Variants in HMBOX1 observed in about 807,000 individuals in gnomAD.
The protein encoded by HMBOX1 is homeobox-containing protein 1.
Under a neutral mutation model 54.5 loss-of-function variants are expected in HMBOX1, and 14 were observed. That is an observed-to-expected ratio of 0.26 (90% CI 0.17 to 0.40). The LOEUF (loss-of-function observed/expected upper bound fraction) is 0.40. Among genes scored for constraint, HMBOX1 ranks in the 10% least tolerant of loss-of-function variants. The pLI is 1.00. For synonymous variants in HMBOX1, 160 were observed against 181.0 expected, an observed-to-expected ratio of 0.88 and a Z score of 0.93; for missense variants, 332 against 514.4, an observed-to-expected ratio of 0.65 and a Z score of 3.43.
chr8:28,936,640 CTA>C (rs1820445132), intron 1 of HMBOX1, among the ~76,000 whole-genome samples: 2 of 152,016 alleles, frequency 1.3e-5, no homozygotes, highest in African/African-American at 4.8e-5. Context: ...GAGATGAACT[CTA>C]TGGCTTCACA....
At chr8:29,022,269 T>A (rs1801302980) in intron 6 of HMBOX1, among the ~76,000 whole-genome samples, 1 of 151,706 alleles carries the variant, frequency 6.6e-6, no homozygotes, top group South Asian at 2.1e-4. Flanking sequence ...ATACAAAAAA[T>A]TAGCAAGGCG....
At chr8:28,922,580 C>G (rs1817738196) in intron 1 of HMBOX1, among the ~76,000 whole-genome samples, 1 of 152,116 alleles carries the variant, frequency 6.6e-6, no homozygotes, top group South Asian at 2.1e-4. Context: ...CCGTTGAAAT[C>G]TAAAAATTAT....
rs1804404378 is a variant in HMBOX1, at chr8:29,039,048, C to A, written c.852-6313C>A. ...GTACCCGCCCTCTCTGCCCTGAAAA[C>A]CCTTGCTCTTTCTTCAAGACCCTGC... On this transcript the variant is annotated intron_variant, in intron 6 of 9. Transcript: ENST00000287701. 2.0e-5 allele frequency among the ~76,000 whole-genome samples: 3 copies of A among 152,306 alleles called. No homozygotes were observed. In the South Asian group the frequency reaches 6.2e-4, roughly 32 times the overall value.
At chr8:28,943,865 C>A (rs1414531959) in intron 1 of HMBOX1, among the ~76,000 whole-genome samples, 1 of 152,146 alleles carries the variant, frequency 6.6e-6, no homozygotes, top group Non-Finnish European at 1.5e-5. Context: ...GTGACAGATG[C>A]TGCACTTCTT....
intron 6 of HMBOX1, among the ~76,000 whole-genome samples, chr8:29,044,292 C>T (rs191082627): frequency 1.2e-4 from 19 of 152,184 alleles, no homozygotes; most frequent in African/African-American, 4.6e-4. Flanking sequence ...ATGGTAGGTG[C>T]TAGAATTTGA....
At chr8:29,007,818 AAAAG>A (rs1376792077) in intron 4 of HMBOX1, among the ~76,000 whole-genome samples, 1 of 152,202 alleles carries the variant, frequency 6.6e-6, no homozygotes, top group Non-Finnish European at 1.5e-5. Context: ...AAAAAAGAAA[AAAAG>A]AAAGATGTTT....
intron 1 of HMBOX1, among the ~76,000 whole-genome samples, chr8:28,907,937 T>TC (rs1252859327): frequency 6.6e-6 from 1 of 151,766 alleles, no homozygotes; most frequent in Non-Finnish European, 1.5e-5. Flanking sequence ...CCTCATCTCA[T>TC]CAGCTCAAGC....
chr8:28,992,307 A>G (rs1429455338), intron 4 of HMBOX1, among the ~76,000 whole-genome samples: 1 of 152,208 alleles, frequency 6.6e-6, no homozygotes, highest in Non-Finnish European at 1.5e-5. Flanking sequence ...AGTTTTGGTA[A>G]AGTTTCAAAT....
rs867683655 is a variant in HMBOX1, at chr8:28,934,997, A to G, written c.-57-28814A>G. The stretch of plus-strand genomic sequence containing the variant: ...GTTATATTAGAAATGAACAACTGGA[A>G]AGGGAAAGCACAATAACATTGCCAC... On this transcript the variant is annotated intron_variant, in intron 1 of 9. Coordinates refer to ENST00000287701, the MANE Select transcript of HMBOX1 (RefSeq NM_001135726.3). Among the ~76,000 whole-genome samples, 9 of 152,194 alleles carry G rather than the reference A, an allele frequency of 5.9e-5. No homozygotes were observed. In the South Asian group the frequency reaches 1.7e-3, roughly 28 times the overall value.
chr8:28,994,568 G>A (rs1831507900), intron 4 of HMBOX1, among the ~76,000 whole-genome samples: 1 of 152,144 alleles, frequency 6.6e-6, no homozygotes, highest in African/African-American at 2.4e-5. Context: ...ATTGGGATAG[G>A]AAAGGCTTTC....
chr8:28,954,141 C>T (rs981510689), intron 1 of HMBOX1, among the ~76,000 whole-genome samples: 3 of 152,052 alleles, frequency 2.0e-5, no homozygotes, highest in African/African-American at 4.8e-5. Flanking sequence ...TTCATATTCT[C>T]ATCTGTAAAT....
intron 1 of HMBOX1, among the ~76,000 whole-genome samples, chr8:28,913,169 C>T (rs138785839): frequency 1.3e-5 from 2 of 152,322 alleles, no homozygotes; most frequent in African/African-American, 4.8e-5. Context: ...GTCTTGCCCT[C>T]TTTCCCCACG....
intron 1 of HMBOX1, chr8:28,891,439 G>A (rs1193749365): frequency 6.6e-6 from 1 of 152,198 alleles, no homozygotes; most frequent in Non-Finnish European, 1.5e-5. Context: ...TTACACTATT[G>A]GGGCTACTTT....
chr8:28,986,507 G>A (rs1830181965), intron 4 of HMBOX1, among the ~76,000 whole-genome samples: 1 of 152,108 alleles, frequency 6.6e-6, no homozygotes, highest in Non-Finnish European at 1.5e-5. Context: ...CCTACCTAAT[G>A]GATTTTACCA....
chr8:28,901,004 G>A (rs2131569021), intron 1 of HMBOX1, among the ~76,000 whole-genome samples: 1 of 152,178 alleles, frequency 6.6e-6, no homozygotes, highest in South Asian at 2.1e-4. Flanking sequence ...GTAATTTTGT[G>A]TAAACCTCTA....
At chr8:28,979,971 T>C in intron 3 of HMBOX1, 100 bp from the exon 4 acceptor site, 1 of 864,208 alleles carries the variant, frequency 1.2e-6, no homozygotes, top group Non-Finnish European at 2.0e-6. Context: ...TTGTGTCCTT[T>C]CTGTGTTCTC....
intron 1 of HMBOX1, among the ~76,000 whole-genome samples, chr8:28,893,999 C>A (rs956235899): frequency 6.6e-6 from 1 of 152,172 alleles, no homozygotes; most frequent in Non-Finnish European, 1.5e-5. Flanking sequence ...AGTTGGCATA[C>A]CACTCAACTT....
At chr8:28,975,423 A>G (rs1828206071) in intron 3 of HMBOX1, among the ~76,000 whole-genome samples, 2 of 152,254 alleles carry the variant, frequency 1.3e-5, no homozygotes, top group Admixed American at 6.5e-5. Flanking sequence ...AGGGGATTCA[A>G]CCAACAGGCA....
At chr8:29,018,237 A>G (rs546719800) in intron 5 of HMBOX1, among the ~76,000 whole-genome samples, 2 of 152,366 alleles carry the variant, frequency 1.3e-5, no homozygotes, top group South Asian at 4.1e-4. Flanking sequence ...GAATGAATGA[A>G]TAAATGCATC....
Sources: gnomAD v4.1 joint callset for allele counts (sites outside exome capture counted in the v4.1 genomes callset) on GRCh38, gnomAD v4.1.1 for gene constraint, MANE v1.5 for transcripts, NCBI Gene and HGNC (gene_info 2026-07-23, HGNC 2026-07-21) for gene names.